The following STK11IP variants were observed in gnomAD, a reference collection of about 807,000 sequenced individuals.
STK11IP encodes the protein serine/threonine-protein kinase 11-interacting protein.
Under a neutral mutation model 131.7 loss-of-function variants are expected in STK11IP, and 103 were observed. That is an observed-to-expected ratio of 0.78 (90% CI 0.67 to 0.92). STK11IP has a LOEUF of 0.92. Among genes scored for constraint, STK11IP ranks in the 40% least tolerant of loss-of-function variants. STK11IP has a pLI of 0.00. For missense variants in STK11IP, 1,315 were observed against 1,385.7 expected, an observed-to-expected ratio of 0.95 and a Z score of 0.81; for synonymous variants, 557 against 575.6, an observed-to-expected ratio of 0.97 and a Z score of 0.46.
chr2:219,602,901 G>A (rs933053389), intron 7 of STK11IP, 125 bp downstream of exon 7: 3 of 876,410 alleles, frequency 3.4e-6, no homozygotes, highest in Non-Finnish European at 5.4e-6. Flanking sequence ...TGCATTCTGG[G>A]AGATAGCACT....
chr2:219,610,569 A>AT (rs1274576335), intron 17 of STK11IP, among the ~76,000 whole-genome samples: 7 of 151,930 alleles, frequency 4.6e-5, no homozygotes, highest in Admixed American at 2.0e-4. Context: ...CACCCAGCTA[A>AT]TTTTTTGTAT....
intron 20 of STK11IP, 47 bp from the exon 21 acceptor site, chr2:219,613,705 C>T (rs957443836): frequency 6.2e-7 from 1 of 1,610,518 alleles, no homozygotes; most frequent in East Asian, 2.2e-5. Flanking sequence ...CTGGGACTCT[C>T]ACTCCACTCT....
Position 219,611,960 on chromosome 2 carries a change from G to T in STK11IP, c.2341G>T (p.Glu781Ter). Residue 781 changes from glutamate to a stop codon, truncating the protein, a stop_gained, in exon 19 of 25, where the codon GAG (glutamate) becomes TAG (stop). Coordinates refer to ENST00000456909, the MANE Select transcript of STK11IP (RefSeq NM_052902.4). LOFTEE classifies it high-confidence loss of function. ...TGCCCCCTCATTGCCCTCAGCCCCT[G>T]AGCGCTGTGGCCTCCGCTCTGTGGA... Reference protein sequence around the residue: ...HGSWSLSPPPERCGLRSVDHR... With the variant: ...HGSWSLSPPP 1 of 1,594,482 alleles carries T rather than the reference G, an allele frequency of 6.3e-7. No individual in the cohort carries two copies. The highest frequency in any genetic ancestry group is 8.5e-7 in the Non-Finnish European group (1 of 1,171,378).
At chr2:219,615,720 G>A (rs1326348347) in intron 24 of STK11IP, 1 of 647,350 alleles carries the variant, frequency 1.5e-6, no homozygotes, top group African/African-American at 1.8e-5. Flanking sequence ...AGGAAGCTGA[G>A]GCTTGGGGAT....
chr2:219,607,366 G>T (rs1263724370), intron 13 of STK11IP, among the ~76,000 whole-genome samples: 1 of 152,118 alleles, frequency 6.6e-6, no homozygotes, highest in Non-Finnish European at 1.5e-5. Context: ...GGTGTCAAGA[G>T]ATCATGTAGG....
Position 219,616,262 on chromosome 2 carries a change from G to T in STK11IP, c.*69G>T. The stretch of plus-strand genomic sequence containing the variant: ...TAGACATTCCCTCTCCTGGTCTCTG[G>T]GTCTGGCTTCCAGGCTCTGGCTGTG... On this transcript the variant is annotated 3_prime_UTR_variant, in exon 25 of 25. Transcript: ENST00000456909. 1 of 1,530,942 alleles carries T rather than the reference G, an allele frequency of 6.5e-7. No homozygotes were observed. 94.8% of individuals were successfully genotyped at this position (1,530,942 alleles called of 1,614,324 possible).
rs1223895773 is a variant in STK11IP, at chr2:219,614,527, T to C, written c.2850T>C (p.Leu950=). 1 of 1,613,692 alleles carries C rather than the reference T, an allele frequency of 6.2e-7. No individual in the cohort carries two copies. Among genetic ancestry groups the C allele is most frequent in the African/African-American group, 1.3e-5 (1 of 74,940 alleles). The change falls in exon 23 of 25, where the codon CTT becomes CTC. Residue 950 remains leucine (L), a synonymous_variant. Transcript: ENST00000456909. The stretch of plus-strand genomic sequence containing the variant: ...TGGAGGCTCGCCAGTTCTTCTACCT[T>C]CGGGCGTTCCTGGTTGAAGGTGAAG... ...SSLEARQFFY[L]RAFLVEGPST...
intron 5 of STK11IP, 40 bp from the exon 6 acceptor site, chr2:219,602,428 G>C (rs1239882821): frequency 6.7e-7 from 1 of 1,488,062 alleles, no homozygotes; most frequent in Non-Finnish European, 9.3e-7. Flanking sequence ...TAGGGAGGAA[G>C]GGGAGGGTGG....
At chr2:219,610,506 C>T (rs2106161907) in intron 17 of STK11IP, among the ~76,000 whole-genome samples, 1 of 152,246 alleles carries the variant, frequency 6.6e-6, no homozygotes, top group East Asian at 1.9e-4. Context: ...GGGTTCACGC[C>T]ATTCTCCTGC....
intron 3 of STK11IP, 72 bp from the exon 4 acceptor site, chr2:219,601,569 G>A: frequency 6.4e-7 from 1 of 1,557,152 alleles, no homozygotes; most frequent in Non-Finnish European, 8.7e-7. Context: ...CAGTGGTTGT[G>A]CTAAGGAAGG....
chr2:219,599,185 A>G (rs1697897688), intron 2 of STK11IP, among the ~76,000 whole-genome samples: 1 of 151,866 alleles, frequency 6.6e-6, no homozygotes, highest in Non-Finnish European at 1.5e-5. Flanking sequence ...ACCTCCTGGG[A>G]CGAAGTGATT....
rs556525436 is a variant in STK11IP, at chr2:219,615,792, A to G, written c.3118-252A>G. On this transcript the variant is annotated intron_variant, in intron 24 of 24. Coordinates refer to ENST00000456909, the MANE Select transcript of STK11IP (RefSeq NM_052902.4). ...GGAATTGAATCCACAGTTCCCTGAAATTGAGCCCGCATCTTCTGTACAACA... is the reference window on the plus strand; with the variant it reads ...GGAATTGAATCCACAGTTCCCTGAAGTTGAGCCCGCATCTTCTGTACAACA... The G allele has an allele frequency of 2.5e-4, 173 of 697,824 alleles. No homozygotes were observed. In the African/African-American group the frequency reaches 2.8e-3, roughly 11 times the overall value. 43.2% of individuals were successfully genotyped at this position (697,824 alleles called of 1,614,324 possible). A position where few individuals can be genotyped will look rare whatever the true frequency, so the allele number is the denominator to read the frequency against.
rs751899670 is a variant in STK11IP, at chr2:219,609,409, A to G, written c.1973A>G (p.Gln658Arg). The part of the protein sequence containing the change: ...LTPVTNVARE[Q>R]LGEARDLLLG... ...CCAGTCACCAATGTGGCTCGGGAAC[A>G]GCTTGGGGAGGCCAGGGACCTCCTG... The change falls in exon 17 of 25, where the codon CAG becomes CGG. Residue 658 changes from glutamine (Q) to arginine (R), a missense_variant. Transcript: ENST00000456909. The G allele has an allele frequency of 1.1e-5, 18 of 1,613,538 alleles. No individual in the cohort carries two copies. The highest frequency in any genetic ancestry group is 1.5e-5 in the Non-Finnish European group (18 of 1,179,808).
At chr2:219,612,098 A>C (rs1698417959) in intron 19 of STK11IP, 40 bp downstream of exon 19, 2 of 1,549,206 alleles carry the variant, frequency 1.3e-6, no homozygotes, top group Admixed American at 1.9e-5. Flanking sequence ...CCAGCTGTCC[A>C]GGGTGCCCAC....
At chr2:219,615,441 C>A in intron 24 of STK11IP, 100 bp downstream of exon 24, 1 of 1,458,172 alleles carries the variant, frequency 6.9e-7, no homozygotes, top group Admixed American at 2.2e-5. Flanking sequence ...GAACCCTGGG[C>A]ATTGGTGGCA....
Position 219,608,454 on chromosome 2 carries a change from G to A in STK11IP, c.1603+24G>A, listed in dbSNP as rs767742781. 9.7e-6 allele frequency: 15 copies of A among 1,539,040 alleles called. 1 individual carries two copies. The highest frequency in any genetic ancestry group is 1.4e-5 in the African/African-American group (1 of 73,478). ...AGGTGAGCCCTTTGTGGGCTGGGGC[G>A]AGCTGAGGCCAGGGGCCCTTGGGAT... is the stretch of plus-strand genomic sequence containing the variant. On this transcript the variant is annotated intron_variant, in intron 14 of 24. Coordinates refer to ENST00000456909, the MANE Select transcript of STK11IP (RefSeq NM_052902.4).
intron 2 of STK11IP, among the ~76,000 whole-genome samples, chr2:219,600,015 C>T (rs1431037627): frequency 4.2e-5 from 6 of 143,914 alleles, no homozygotes; most frequent in Middle Eastern, 3.8e-3. Flanking sequence ...GGATTACAGG[C>T]GTGAGCCACC....
At chr2:219,606,343 CCCACCTTGCA>C (rs1698157314) in intron 10 of STK11IP, 53 bp downstream of exon 10, 1 of 1,546,520 alleles carries the variant, frequency 6.5e-7, no homozygotes, top group South Asian at 1.2e-5. Context: ...CCAGTCCTCC[CCCACCTTGCA>C]CCCTCTTGCC....
intron 11 of STK11IP, 70 bp from the exon 12 acceptor site, chr2:219,606,642 G>A: frequency 1.3e-6 from 2 of 1,594,484 alleles, no homozygotes; most frequent in South Asian, 2.3e-5. Flanking sequence ...CCCGCCTTTT[G>A]GCTGGCTTGG....
Sources: allele counts gnomAD v4.1 joint callset (sites outside exome capture counted in the v4.1 genomes callset), GRCh38; gene constraint gnomAD v4.1.1; transcripts MANE v1.5; gene names NCBI Gene and HGNC (gene_info 2026-07-23, HGNC 2026-07-21).